The following SLC27A1 variants were observed in gnomAD, a reference collection of about 807,000 sequenced individuals.
The protein encoded by SLC27A1 is long-chain fatty acid transport protein 1.
In SLC27A1, 61 loss-of-function variants were observed where a neutral mutation model predicts 62.2. That is an observed-to-expected ratio of 0.98 (90% CI 0.80 to 1.21). SLC27A1 has a LOEUF of 1.21. SLC27A1 is among the 50% of genes most tolerant of loss of function. The pLI, the probability that SLC27A1 is intolerant of heterozygous loss-of-function variation, is 0.00. For missense variants in SLC27A1, 903 were observed against 932.1 expected (o/e 0.97, Z 0.41); for synonymous variants, 435 against 408.6 (o/e 1.06, Z -0.78).
chr19:17,485,191 C>CTTTT (rs386388659), intron 1 of SLC27A1, among the ~76,000 whole-genome samples: 5,795 of 104,698 alleles, frequency 0.055, 306 homozygotes, highest in Non-Finnish European at 0.074. Flanking sequence ...TTTTTGTTTC[C>CTTTT]TTTTTTTTTT....
chr19:17,494,483 A>G (rs1414023090), intron 6 of SLC27A1, among the ~76,000 whole-genome samples: 2 of 151,316 alleles, frequency 1.3e-5, no homozygotes, highest in Admixed American at 1.3e-4. Context: ...GTGTGCCACC[A>G]CGCCTGGCTA....
Position 17,487,540 on chromosome 19 carries a change from C to T in SLC27A1, c.794+11C>T. 2 of 1,610,410 alleles carry T rather than the reference C, an allele frequency of 1.2e-6. No homozygotes were observed. The highest frequency in any genetic ancestry group is 2.2e-5 in the South Asian group (2 of 90,700). On this transcript the variant is annotated intron_variant, in intron 4 of 11. Coordinates refer to ENST00000252595, the MANE Select transcript of SLC27A1 (RefSeq NM_198580.3). ...TGTCGTGCACAGCAGGTGAGGGGCC[C>T]ACAGGCATAATGCCCTCAGCCGCTG... is the stretch of plus-strand genomic sequence containing the variant.
At chr19:17,482,411 G>A (rs1478364725) in intron 1 of SLC27A1, among the ~76,000 whole-genome samples, 2 of 152,084 alleles carry the variant, frequency 1.3e-5, no homozygotes, top group African/African-American at 4.8e-5. Flanking sequence ...CCACCACTTT[G>A]GGAGGCCGAG....
chr19:17,480,256 G>C (rs1877081184), intron 1 of SLC27A1, among the ~76,000 whole-genome samples: 1 of 151,992 alleles, frequency 6.6e-6, no homozygotes. Context: ...TCGAACTCCT[G>C]ACCTCAAGTG....
chr19:17,488,152 A>G (rs1204006060), intron 4 of SLC27A1, among the ~76,000 whole-genome samples: 1 of 152,130 alleles, frequency 6.6e-6, no homozygotes, highest in African/African-American at 2.4e-5. Context: ...TGACGTCAGG[A>G]GTTCGAGACC....
rs756239599 is a variant in SLC27A1, at chr19:17,504,534, G to T, written c.1863G>T (p.Leu621=). The T allele has an allele frequency of 1.9e-6, 3 of 1,614,060 alleles. No homozygotes were observed. The highest frequency in any genetic ancestry group is 1.7e-5 in the Admixed American group (1 of 59,978). Residue 621 remains leucine (L), a synonymous_variant, in exon 12 of 12, where the codon CTG becomes CTT. Transcript: ENST00000252595. Reference sequence around the variant, plus strand: ...AGACCTCAGACCGGCTCTTCTTCCTGGACCTGAAGCAGGGCCACTACCTGC... The same window carrying T: ...AGACCTCAGACCGGCTCTTCTTCCTTGACCTGAAGCAGGGCCACTACCTGC... ...PRQTSDRLFF[L]DLKQGHYLPL... is the part of the protein sequence containing the mutation.
intron 11 of SLC27A1, among the ~76,000 whole-genome samples, chr19:17,501,693 C>T (rs1478697100): frequency 2.7e-5 from 4 of 149,998 alleles, no homozygotes; most frequent in African/African-American, 9.8e-5. Context: ...GTCCCAGCTA[C>T]TTGGGAGGCT....
Position 17,504,717 on chromosome 19 carries a change from G to A in SLC27A1, c.*105G>A, listed in dbSNP as rs755131411. ...CCGCCTAGTACACACCCACCTGGCC[G>A]AGCTGTACCTGGCACGGCCCATCCT... On this transcript the variant is annotated 3_prime_UTR_variant, in exon 12 of 12. Coordinates refer to ENST00000252595, the MANE Select transcript of SLC27A1 (RefSeq NM_198580.3). 1.8e-5 allele frequency: 26 copies of A among 1,448,190 alleles called. No individual in the cohort carries two copies. The highest frequency in any genetic ancestry group is 1.1e-4 in the Admixed American group (6 of 53,162). 89.7% of individuals were successfully genotyped at this position (1,448,190 alleles called of 1,614,324 possible).
At chr19:17,497,625 C>T (rs756225872) in intron 7 of SLC27A1, 161 bp downstream of exon 7, 14 of 678,458 alleles carry the variant, frequency 2.1e-5, no homozygotes, top group Admixed American at 1.5e-4. Flanking sequence ...CTGGGACTCC[C>T]GGTGCACCAC....
chr19:17,469,809 G>A (rs1474569228), upstream of SLC27A1, among the ~76,000 whole-genome samples: 2 of 149,912 alleles, frequency 1.3e-5, no homozygotes, highest in African/African-American at 2.5e-5. Context: ...TAGAACCTGA[G>A]CCTGGGAACT....
intron 1 of SLC27A1, among the ~76,000 whole-genome samples, chr19:17,471,283 G>A (rs2144534182): frequency 6.6e-6 from 1 of 152,156 alleles, no homozygotes; most frequent in Admixed American, 6.6e-5. Context: ...GTTTCCTCGG[G>A]ATCGTTTACA....
Position 17,488,794 on chromosome 19 carries a change from C to G in SLC27A1, c.795-54C>G. The stretch of plus-strand genomic sequence containing the variant: ...GCAGCATGCTTCCCCATGCCTGTAC[C>G]CTGGGGGATTTAGGTCCCAGCCTCT... On this transcript the variant is annotated intron_variant, in intron 4 of 11. Coordinates refer to ENST00000252595, the MANE Select transcript of SLC27A1 (RefSeq NM_198580.3). 3 of 1,528,876 alleles carry G rather than the reference C, an allele frequency of 2.0e-6. No individual in the cohort carries two copies. The South Asian group carries it at 3.4e-5, about 18-fold the overall frequency. The allele number at this position is 1,528,876 out of a possible 1,614,324, so 94.7% of individuals were successfully genotyped here.
At chr19:17,498,594 G>T in intron 7 of SLC27A1, 1 of 197,494 alleles carries the variant, frequency 5.1e-6, no homozygotes, top group Non-Finnish European at 1.0e-5. Flanking sequence ...CCCTGTGTGC[G>T]GAGACGAGAG....
At chr19:17,476,210 C>T (rs995702665) in intron 1 of SLC27A1, among the ~76,000 whole-genome samples, 12 of 152,256 alleles carry the variant, frequency 7.9e-5, no homozygotes, top group African/African-American at 2.9e-4. Context: ...AATTCACCCA[C>T]AGGAAGCCCT....
chr19:17,469,898 A>G (rs11665774), upstream of SLC27A1, among the ~76,000 whole-genome samples: 68,264 of 107,018 alleles, frequency 0.64, 18,508 homozygotes, highest in African/African-American at 0.7. Flanking sequence ...GCGTGTGCTT[A>G]TTGCGGGGGG....
intron 6 of SLC27A1, among the ~76,000 whole-genome samples, chr19:17,489,393 G>C (rs1004733123): frequency 4.6e-5 from 7 of 152,228 alleles, no homozygotes; most frequent in African/African-American, 1.7e-4. Flanking sequence ...AGGAATGGCT[G>C]TTCAGGATGG....
rs768239118 is a variant in SLC27A1 at position 17,470,597 on chromosome 19, G to T, written c.57G>T (p.Leu19=). 1.9e-6 allele frequency: 3 copies of T among 1,570,054 alleles called. No individual in the cohort carries two copies. The South Asian group carries it at 3.4e-5, about 18-fold the overall frequency. Residue 19 remains leucine (L), a synonymous_variant, in exon 1 of 12, where the codon CTG becomes CTT. Transcript: ENST00000252595. ...ASVVSLALLW[L]LGLPWTWSAA... Reference sequence around the variant, plus strand: ...TGGTCTCGCTGGCGCTGTTGTGGCTGCTGGGGCTGCCGTGGACCTGGAGCG... The same window carrying T: ...TGGTCTCGCTGGCGCTGTTGTGGCTTCTGGGGCTGCCGTGGACCTGGAGCG...
In SLC27A1 at chr19:17,489,114, C is replaced by T; in HGVS notation, c.993C>T (p.Cys331=). The change falls in exon 6 of 12, where the codon TGC becomes TGT. Residue 331 remains cysteine (C), a synonymous_variant. Coordinates refer to ENST00000252595, the MANE Select transcript of SLC27A1 (RefSeq NM_198580.3). ...GGGACGACTGCATCAAGTACAACTG[C>T]ACGGTCAGGCCCTGCCCTGTTCTGT... is the stretch of plus-strand genomic sequence containing the variant. ...RFWDDCIKYN[C]TVVQYIGEIC... 6.2e-7 allele frequency: 1 copy of T among 1,613,894 alleles called. No individual in the cohort carries two copies.
intron 1 of SLC27A1, among the ~76,000 whole-genome samples, chr19:17,479,653 T>A (rs963312401): frequency 6.8e-6 from 1 of 146,014 alleles, no homozygotes; most frequent in Non-Finnish European, 1.5e-5. Context: ...CCTCTCTCTC[T>A]CAATTTTTTT....
Sources: gnomAD v4.1 joint callset for allele counts (sites outside exome capture counted in the v4.1 genomes callset) on GRCh38, gnomAD v4.1.1 for gene constraint, MANE v1.5 for transcripts, NCBI Gene and HGNC (gene_info 2026-07-23, HGNC 2026-07-21) for gene names.